DHRSX: variants seen among roughly 807,000 people sequenced by gnomAD.
The protein encoded by DHRSX is dehydrogenase/reductase X-linked.
A neutral mutation model predicts 34.0 loss-of-function variants in DHRSX; 31 were observed. The ratio of observed to expected loss-of-function variants is 0.91; its 90% CI spans 0.69 to 1.23. The LOEUF (loss-of-function observed/expected upper bound fraction) is 1.23. DHRSX is among the 50% of genes most tolerant of loss of function. The pLI, the probability that DHRSX is intolerant of heterozygous loss-of-function variation, is 0.00. For synonymous variants in DHRSX, 201 were observed against 183.8 expected (o/e 1.09, Z -0.76); for missense variants, 414 against 428.1 (o/e 0.97, Z 0.29).
chrX:2,345,486 A>C (rs2042694648), intron 3 of DHRSX, among the ~76,000 whole-genome samples: 1 of 151,960 alleles, frequency 6.6e-6, no homozygotes, highest in South Asian at 2.1e-4. Flanking sequence ...CTACCAAAAA[A>C]ATAAAAATAA....
chrX:2,361,663 T>G (rs772973706), intron 3 of DHRSX, among the ~76,000 whole-genome samples: 1 of 152,188 alleles, frequency 6.6e-6, no homozygotes, highest in Admixed American at 6.6e-5. Context: ...TTCAGCCTGG[T>G]TAATGTGTCG....
chrX:2,284,193 T>C (rs1785670457), intron 4 of DHRSX, among the ~76,000 whole-genome samples: 1 of 61,802 alleles, frequency 1.6e-5, no homozygotes, highest in Admixed American at 1.5e-4. Context: ...TTCCTTTCAA[T>C]TCATTTAGTC....
intron 3 of DHRSX, among the ~76,000 whole-genome samples, chrX:2,293,073 G>A (rs1262756353): frequency 6.6e-6 from 1 of 152,162 alleles, no homozygotes; most frequent in Non-Finnish European, 1.5e-5. Context: ...GTGAGCAGCT[G>A]TGTCCAGCCA....
chrX:2,346,596 A>G (rs985628611), intron 3 of DHRSX, among the ~76,000 whole-genome samples: 4 of 151,104 alleles, frequency 2.6e-5, no homozygotes, highest in African/African-American at 9.7e-5. Context: ...GGTGACTCCC[A>G]TGTTCCCCTC....
At chrX:2,484,381 C>G (rs1318070308) in intron 1 of DHRSX, among the ~76,000 whole-genome samples, 1 of 152,132 alleles carries the variant, frequency 6.6e-6, no homozygotes, top group African/African-American at 2.4e-5. Flanking sequence ...TTGACACCAT[C>G]AGGGTACTCA....
At chrX:2,407,475 G>C (rs2043571182) in intron 3 of DHRSX, among the ~76,000 whole-genome samples, 1 of 152,182 alleles carries the variant, frequency 6.6e-6, no homozygotes, top group Non-Finnish European at 1.5e-5. Flanking sequence ...GAGTAGTTCT[G>C]TGCGTGGATG....
At chrX:2,402,824 C>G (rs2043503161) in intron 3 of DHRSX, among the ~76,000 whole-genome samples, 1 of 151,898 alleles carries the variant, frequency 6.6e-6, no homozygotes, top group Non-Finnish European at 1.5e-5. Flanking sequence ...TATCCATCCC[C>G]TCGAGCATTC....
In DHRSX at chrX:2,408,740, G is replaced by A. The variant is rs755454685; in HGVS notation, c.286+5C>T. 8 of 1,607,388 alleles carry A rather than the reference G, an allele frequency of 5.0e-6. No homozygotes were observed. The highest frequency in any genetic ancestry group is 2.2e-5 in the South Asian group (2 of 89,362). ...AAAAAAAGCCATTGGAGTATCTCTC[G>A]GTACCTTTGTCGTTCAAGGTTTCTT... is the stretch of plus-strand genomic sequence containing the variant. On this transcript the variant is annotated splice_donor_5th_base_variant and intron_variant, in intron 3 of 6. Transcript: ENST00000334651.
intron 6 of DHRSX, among the ~76,000 whole-genome samples, chrX:2,242,270 G>A (rs1432495492): frequency 3.3e-5 from 5 of 152,012 alleles, no homozygotes; most frequent in South Asian, 2.1e-4. Context: ...ATCCCCAAAC[G>A]GTCTCCAGCT....
intron 1 of DHRSX, among the ~76,000 whole-genome samples, chrX:2,461,589 T>G (rs1206327147): frequency 2.6e-5 from 4 of 152,218 alleles, no homozygotes; most frequent in Non-Finnish European, 5.9e-5. Flanking sequence ...GTGCCCAGGC[T>G]GCACGACAGT....
chrX:2,282,913 A>C (rs1277360126), intron 4 of DHRSX, among the ~76,000 whole-genome samples: 1 of 151,426 alleles, frequency 6.6e-6, no homozygotes, highest in South Asian at 2.1e-4. Context: ...GGTCGAGAGC[A>C]AAATAGTAGA....
rs184096333 is a variant in DHRSX, at chrX:2,480,010, G to A, written c.109+20807C>T. Among the ~76,000 whole-genome samples, 786 of 152,212 alleles carry A rather than the reference G, an allele frequency of 5.2e-3. 8 individuals carry two copies. The highest frequency in any genetic ancestry group is 0.018 in the African/African-American group (732 of 41,528). ...TTGTGCAGGATCCAGTCATCCCACC[G>A]CTTGGTGTGTGCCCAAAGGAAAGGA... On this transcript the variant is annotated intron_variant, in intron 1 of 6. Transcript: ENST00000334651.
intron 5 of DHRSX, among the ~76,000 whole-genome samples, chrX:2,246,748 G>GAAAGAAAGAAAGAAAGAAAAAA (rs776138629): frequency 1.9e-5 from 2 of 103,778 alleles, no homozygotes; most frequent in Non-Finnish European, 4.6e-5. Flanking sequence ...AAGAAAGAAA[G>GAAAGAAAGAAAGAAAGAAAAAA]AAAAAGAAAG....
chrX:2,347,914 A>G (rs1441896779), intron 3 of DHRSX, among the ~76,000 whole-genome samples: 1 of 152,152 alleles, frequency 6.6e-6, no homozygotes, highest in Non-Finnish European at 1.5e-5. Flanking sequence ...CTCGTGGACA[A>G]TCACTGCTGT....
chrX:2,391,921 C>T (rs185429616), intron 3 of DHRSX, among the ~76,000 whole-genome samples: 76 of 151,310 alleles, frequency 5.0e-4, no homozygotes, highest in African/African-American at 1.6e-3. Context: ...AGCGAAATTC[C>T]GACTAAAAGA....
At chrX:2,307,064 C>A (rs949033732) in intron 3 of DHRSX, among the ~76,000 whole-genome samples, 1 of 151,898 alleles carries the variant, frequency 6.6e-6, no homozygotes, top group East Asian at 1.9e-4. Context: ...GCCCAGGTGT[C>A]CATCAATTAT....
intron 1 of DHRSX, chrX:2,489,233 C>T (rs376735077): frequency 5.0e-6 from 8 of 1,613,734 alleles, no homozygotes; most frequent in Middle Eastern, 1.6e-4. Flanking sequence ...TTCCACCACG[C>T]GATTCTCCAC....
intron 2 of DHRSX, among the ~76,000 whole-genome samples, chrX:2,418,087 A>G (rs944669793): frequency 6.6e-6 from 1 of 152,060 alleles, no homozygotes; most frequent in African/African-American, 2.4e-5. Context: ...TCTCAAAGTG[A>G]CCTAGCCCAA....
At chrX:2,467,158 GTGTCT>G (rs1353197128) in intron 1 of DHRSX, among the ~76,000 whole-genome samples, 3 of 151,864 alleles carry the variant, frequency 2.0e-5, no homozygotes, top group Admixed American at 2.0e-4. Context: ...TGTTAGGGTA[GTGTCT>G]TAGGAAATCA....
Sources: allele counts gnomAD v4.1 joint callset (sites outside exome capture counted in the v4.1 genomes callset), GRCh38; gene constraint gnomAD v4.1.1; transcripts MANE v1.5; gene names NCBI Gene and HGNC (gene_info 2026-07-23, HGNC 2026-07-21).